PSORS1C2: variants seen among roughly 807,000 people sequenced by gnomAD.
PSORS1C2 encodes psoriasis susceptibility 1 candidate gene 2 protein.
In PSORS1C2, 13 loss-of-function variants were observed where a neutral mutation model predicts 12.2. The ratio of observed to expected loss-of-function variants is 1.07; its 90% CI spans 0.70 to 1.70. The LOEUF is 1.70. PSORS1C2 is among the 40% of genes most tolerant of loss of function. The pLI is 0.00. For missense variants in PSORS1C2, 186 were observed against 173.4 expected (o/e 1.07, Z -0.41); for synonymous variants, 76 against 69.2 (o/e 1.10, Z -0.49).
rs1561775003 is a variant in PSORS1C2, at chr6:31,137,664, A to G, written c.*287T>C. On this transcript the variant is annotated 3_prime_UTR_variant, in exon 2 of 2. Transcript: ENST00000259845. ...GCCCTGCCCCAGCGATCGCGCGGGC[A>G]GGAAGACCGGGTGGGAGGTAGGTGC... 2 of 360,420 alleles carry G rather than the reference A, an allele frequency of 5.5e-6. No individual in the cohort carries two copies. The highest frequency in any genetic ancestry group is 9.9e-6 in the Non-Finnish European group (2 of 202,628). 22.3% of individuals were successfully genotyped at this position (360,420 alleles called of 1,614,324 possible). A position where few individuals can be genotyped will look rare whatever the true frequency, so the allele number is the denominator to read the frequency against.
Position 31,139,011 on chromosome 6 carries a change from T to C in PSORS1C2, c.16A>G (p.Lys6Glu). Residue 6 changes from lysine (K) to glutamate (E), a missense_variant, in exon 1 of 2, where the codon AAG becomes GAG. Transcript: ENST00000259845. The surrounding 1 kb of genome is among the most constrained non-coding windows in gnomAD (Gnocchi z 5.2). MILNW[K>E]LLGILVLCLH... ...CAAAGGACCAGGATCCCCAGGAGCT[T>C]CCAGTTGAGGATCATGGCTATGTAC... The C allele has an allele frequency of 6.2e-7, 1 of 1,614,036 alleles. No homozygotes were observed.
At position 31,137,942 on chromosome 6, in the gene PSORS1C2, G is replaced by A. The variant is rs969601326; in HGVS notation, c.*9C>T. The A allele has an allele frequency of 8.6e-6, 12 of 1,394,436 alleles. No homozygotes were observed. Among genetic ancestry groups the A allele is most frequent in the Non-Finnish European group, 1.2e-5 (12 of 1,043,176 alleles). The allele number at this position is 1,394,436 out of a possible 1,614,324, so 86.4% of individuals were successfully genotyped here. On this transcript the variant is annotated 3_prime_UTR_variant, in exon 2 of 2. Transcript: ENST00000259845. ...GATGCCTGGGAACAGAACGGCTGAGGGGACTCCATTATCTGTACTCTTCCC... is the reference window on the plus strand; with the variant it reads ...GATGCCTGGGAACAGAACGGCTGAGAGGACTCCATTATCTGTACTCTTCCC...
chr6:31,138,705 C>T (rs1241338561), intron 1 of PSORS1C2: 2 of 1,609,148 alleles, frequency 1.2e-6, no homozygotes. Context: ...ACACAGATCC[C>T]AGCTCCGAGG....
rs756296016 is a variant in PSORS1C2, at chr6:31,137,967, C to T, written c.395G>A (p.Arg132Gln). 1.3e-6 allele frequency: 2 copies of T among 1,496,486 alleles called. No homozygotes were observed. Among genetic ancestry groups the T allele is most frequent in the Admixed American group, 2.4e-5 (1 of 42,386 alleles). The allele number at this position is 1,496,486 out of a possible 1,614,324, so 92.7% of individuals were successfully genotyped here. A position where few individuals can be genotyped will look rare whatever the true frequency, so the allele number is the denominator to read the frequency against. The change falls in exon 2 of 2, where the codon CGG becomes CAG. Residue 132 changes from arginine to glutamine, a missense_variant. Physicochemically the swap from Arg to Gln is conservative, Grantham distance 43. Transcript: ENST00000259845. ...PQEEPDLDPP[R>Q]EEYR ...GGGACTCCATTATCTGTACTCTTCC[C>T]GGGGTGGGTCTAGGTCTGGCTCCTC...
Position 31,137,616 on chromosome 6 carries a change from G to A in PSORS1C2, c.*335C>T, listed in dbSNP as rs1417997089. 2 of 325,528 alleles carry A rather than the reference G, an allele frequency of 6.1e-6. No homozygotes were observed. The highest frequency in any genetic ancestry group is 1.1e-5 in the Non-Finnish European group (2 of 180,206). The allele number at this position is 325,528 out of a possible 1,614,324, so 20.2% of individuals were successfully genotyped here. On this transcript the variant is annotated 3_prime_UTR_variant, in exon 2 of 2. Coordinates refer to ENST00000259845, the MANE Select transcript of PSORS1C2 (RefSeq NM_014069.3). ...AGTTCCTGCCGCCGGCCACCAGGTG[G>A]CAGAAGGGAACACAGTACCATAGCC...
chr6:31,138,336 G>A (rs1320886029), intron 1 of PSORS1C2, 30 bp from the exon 2 acceptor site: 2 of 1,607,962 alleles, frequency 1.2e-6, no homozygotes, highest in Non-Finnish European at 1.7e-6. Flanking sequence ...AAGGTAAGAG[G>A]TGGTGAGGGC....
chr6:31,138,201 C>T lies in PSORS1C2; in HGVS notation c.161G>A (p.Trp54Ter). 1 of 1,574,030 alleles carries T rather than the reference C, an allele frequency of 6.4e-7. No homozygotes were observed. Among genetic ancestry groups the T allele is most frequent in the Non-Finnish European group, 8.6e-7 (1 of 1,162,492 alleles). The change falls in exon 2 of 2, where the codon TGG becomes TAG. Residue 54 changes from tryptophan (W) to a stop codon, truncating the protein, a stop_gained. Coordinates refer to ENST00000259845, the MANE Select transcript of PSORS1C2 (RefSeq NM_014069.3). LOFTEE classifies it high-confidence loss of function. ...PQGPPVPGDP[W>*]PGAPPLFEDP... Reference sequence around the variant, plus strand: ...TTCAAAGAGAGGGGGTGCCCCTGGCCAAGGGTCACCGGGGACTGGGGGGCC... The same window carrying T: ...TTCAAAGAGAGGGGGTGCCCCTGGCTAAGGGTCACCGGGGACTGGGGGGCC...
chr6:31,138,881 G>C, intron 1 of PSORS1C2, 91 bp downstream of exon 1: 5 of 1,601,300 alleles, frequency 3.1e-6, no homozygotes, highest in Non-Finnish European at 4.3e-6. Flanking sequence ...CTGAATTCCT[G>C]TCCCCAACCC....
Position 31,137,589 on chromosome 6 carries a change from A to G in PSORS1C2, c.*362T>C. On this transcript the variant is annotated 3_prime_UTR_variant, in exon 2 of 2. Transcript: ENST00000259845. ...TCATGGAAGCAGCAGCTGTCTACTG[A>G]TAGTTCCTGCCGCCGGCCACCAGGT... 3.3e-6 allele frequency: 1 copy of G among 303,118 alleles called. No individual in the cohort carries two copies. 18.8% of individuals were successfully genotyped at this position (303,118 alleles called of 1,614,324 possible). A position where few individuals can be genotyped will look rare whatever the true frequency, so the allele number is the denominator to read the frequency against.
In PSORS1C2 at chr6:31,138,086, A is replaced by C. The variant is rs1357188746; in HGVS notation, c.276T>G (p.Pro92=). The change falls in exon 2 of 2, where the codon CCT becomes CCG. Residue 92 remains proline, a synonymous_variant. Transcript: ENST00000259845. The stretch of plus-strand genomic sequence containing the variant: ...AAGGGTCGTCAGGCCGGGGAGGTTG[A>C]GGAGGATCCGTTCTAGGCGGTTCAG... ...WLPEPPRTDP[P]QPPRPDDPWP... is the part of the protein sequence containing the mutation. 3.2e-6 allele frequency: 5 copies of C among 1,580,670 alleles called. No individual in the cohort carries two copies. The highest frequency in any genetic ancestry group is 4.3e-6 in the Non-Finnish European group (5 of 1,165,368).
chr6:31,138,162 G>A lies in PSORS1C2; in HGVS notation c.200C>T (p.Thr67Ile). Reference sequence around the variant, plus strand: ...GTCTCTCCAGGGACGACTGGGGCGGGTAGGCGGAGGATCTTCAAAGAGAGG... The same window carrying A: ...GTCTCTCCAGGGACGACTGGGGCGGATAGGCGGAGGATCTTCAAAGAGAGG... Reference protein sequence around the residue: ...APPLFEDPPPTRPSRPWRDLP... With the variant: ...APPLFEDPPPIRPSRPWRDLP... The change falls in exon 2 of 2, where the codon ACC becomes ATC. Residue 67 changes from threonine to isoleucine, a missense_variant. Physicochemically the swap from Thr to Ile is moderately conservative, Grantham distance 89. Transcript: ENST00000259845. 6.3e-7 allele frequency: 1 copy of A among 1,596,794 alleles called. No individual in the cohort carries two copies. The highest frequency in any genetic ancestry group is 8.5e-7 in the Non-Finnish European group (1 of 1,173,344).
intron 1 of PSORS1C2, 95 bp downstream of exon 1, chr6:31,138,877 T>C: frequency 6.2e-7 from 1 of 1,602,452 alleles, no homozygotes; most frequent in Non-Finnish European, 8.5e-7. Context: ...TCCCCTGAAT[T>C]CCTGTCCCCA....
rs201861237 is a variant in PSORS1C2 at position 31,137,579 on chromosome 6, CT to C, written c.*371del. On this transcript the variant is annotated 3_prime_UTR_variant, in exon 2 of 2. Coordinates refer to ENST00000259845, the MANE Select transcript of PSORS1C2 (RefSeq NM_014069.3). The stretch of plus-strand genomic sequence containing the variant: ...TTTTTCCGTTTCATGGAAGCAGCAG[CT>C]GTCTACTGATAGTTCCTGCCGCCGG... 11,548 of 290,010 alleles carry C rather than the reference CT, an allele frequency of 0.04. 389 individuals carry two copies. The highest frequency in any genetic ancestry group is 0.063 in the South Asian group (382 of 6,080). 18.0% of individuals were successfully genotyped at this position (290,010 alleles called of 1,614,324 possible).
At position 31,138,302 on chromosome 6, in the gene PSORS1C2, G is replaced by T; in HGVS notation, c.60C>A (p.Ile20=). ...ILVLCLHTRG[I]SGSEGHPSHP... The stretch of plus-strand genomic sequence containing the variant: ...GAGAGGGGTGGCCCTCGCTGCCTGA[G>T]ATGCCTGTAAAGGAGGAAGGAGAAA... Residue 20 remains isoleucine (I), a synonymous_variant, in exon 2 of 2, where the codon ATC becomes ATA. Transcript: ENST00000259845. 1 of 1,597,392 alleles carries T rather than the reference G, an allele frequency of 6.3e-7. No individual in the cohort carries two copies.
rs763714850 is a variant in PSORS1C2, at chr6:31,137,929, C to G, written c.*22G>C. 2.3e-6 allele frequency: 3 copies of G among 1,283,022 alleles called. 1 individual carries two copies. Among genetic ancestry groups the G allele is most frequent in the South Asian group, 3.5e-5 (2 of 56,590 alleles). 79.5% of individuals were successfully genotyped at this position (1,283,022 alleles called of 1,614,324 possible). ...GTGGGTGCCTGGAGATGCCTGGGAA[C>G]AGAACGGCTGAGGGGACTCCATTAT... On this transcript the variant is annotated 3_prime_UTR_variant, in exon 2 of 2. Transcript: ENST00000259845.
intron 1 of PSORS1C2, chr6:31,138,594 C>A: frequency 6.2e-7 from 1 of 1,611,250 alleles, no homozygotes; most frequent in South Asian, 1.1e-5. Flanking sequence ...GGTTGGGGTA[C>A]CCCACTAGCT....
At chr6:31,138,490 A>G (rs1773276872) in intron 1 of PSORS1C2, 184 bp from the exon 2 acceptor site, 1 of 1,611,700 alleles carries the variant, frequency 6.2e-7, no homozygotes, top group Non-Finnish European at 8.5e-7. Context: ...CTGATGGTAA[A>G]ATGTCATGAA....
Position 31,138,041 on chromosome 6 carries a change from G to A in PSORS1C2, c.321C>T (p.Pro107=), listed in dbSNP as rs774026915. 5 of 1,531,650 alleles carry A rather than the reference G, an allele frequency of 3.3e-6. No homozygotes were observed. The East Asian group carries it at 1.1e-4, about 35-fold the overall frequency. 94.9% of individuals were successfully genotyped at this position (1,531,650 alleles called of 1,614,324 possible). A position where few individuals can be genotyped will look rare whatever the true frequency, so the allele number is the denominator to read the frequency against. The change falls in exon 2 of 2, where the codon CCC becomes CCT. Residue 107 remains proline, a synonymous_variant. Transcript: ENST00000259845. ...GGGCAGGAGGCCAGGGGTTTTCTGG[G>A]GGCTGGGGTCCTGCCGGCCAAGGGT... ...PDDPWPAGPQ[P]PENPWPPAPE... is the part of the protein sequence containing the mutation.
At position 31,138,987 on chromosome 6, in the gene PSORS1C2, A is replaced by C; in HGVS notation, c.40T>G (p.Cys14Gly). 1 of 1,614,100 alleles carries C rather than the reference A, an allele frequency of 6.2e-7. No homozygotes were observed. Among genetic ancestry groups the C allele is most frequent in the Non-Finnish European group, 8.5e-7 (1 of 1,179,994 alleles). Residue 14 changes from cysteine to glycine, a missense_variant, in exon 1 of 2, where the codon TGC becomes GGC. Physicochemically the swap from Cys to Gly is radical, Grantham distance 159 (BLOSUM62 -3). Transcript: ENST00000259845. ...NWKLLGILVL[C>G]LHTRGISGSE... The stretch of plus-strand genomic sequence containing the variant: ...CCCACCTCACCTCTGGTGTGCAGGC[A>C]AAGGACCAGGATCCCCAGGAGCTTC...
Sources: allele counts gnomAD v4.1 joint callset, GRCh38; gene constraint gnomAD v4.1.1; non-coding constraint Gnocchi (gnomAD v3.1); transcripts MANE v1.5; gene names NCBI Gene and HGNC (gene_info 2026-07-23, HGNC 2026-07-21).